Variants in KCNK13 observed in about 807,000 individuals in gnomAD.
KCNK13 encodes potassium channel subfamily K member 13.
Under a neutral mutation model 23.4 loss-of-function variants are expected in KCNK13, and 12 were observed. The observed-to-expected ratio is 0.51, with a 90% CI of 0.33 to 0.83. KCNK13 has a LOEUF of 0.83. Ranked by LOEUF, KCNK13 falls within the 40% of genes least tolerant of loss-of-function variation. The probability of loss-of-function intolerance (pLI) is 0.02; values close to 1 mark genes in which losing one functional copy is unlikely to be tolerated. For missense variants in KCNK13, 463 were observed against 556.3 expected (o/e 0.83, Z 1.69); for synonymous variants, 231 against 229.5 (o/e 1.01, Z -0.06).
intron 1 of KCNK13, among the ~76,000 whole-genome samples, chr14:90,149,279 C>T (rs1269779368): frequency 6.6e-6 from 1 of 152,132 alleles, no homozygotes. Context: ...TCCCTTGAAC[C>T]TGGGAGGCAG....
At chr14:90,108,320 C>G (rs1410357693) in intron 1 of KCNK13, among the ~76,000 whole-genome samples, 3 of 152,162 alleles carry the variant, frequency 2.0e-5, no homozygotes, top group Non-Finnish European at 4.4e-5. Context: ...GCCTCTGCCT[C>G]TAAGCCAGTG....
In KCNK13 at chr14:90,132,657, G is replaced by A. The variant is rs115159559; in HGVS notation, c.335-51454G>A. ...ATAGTTTTCATTTTGCAAGATGGAGGAAATGAGGTCTGCAGATGGTGGTGG... is the reference window on the plus strand; with the variant it reads ...ATAGTTTTCATTTTGCAAGATGGAGAAAATGAGGTCTGCAGATGGTGGTGG... On this transcript the variant is annotated intron_variant, in intron 1 of 1. Coordinates refer to ENST00000282146, the MANE Select transcript of KCNK13 (RefSeq NM_022054.4). Among the ~76,000 whole-genome samples, 1,252 of 152,202 alleles carry A rather than the reference G, an allele frequency of 8.2e-3. 18 individuals are homozygous for A. Among genetic ancestry groups the A allele is most frequent in the African/African-American group, 0.029 (1,203 of 41,532 alleles).
chr14:90,133,635 T>C (rs956341327), intron 1 of KCNK13, among the ~76,000 whole-genome samples: 17 of 147,674 alleles, frequency 1.2e-4, no homozygotes, highest in African/African-American at 4.3e-4. Flanking sequence ...AATTGCCCAA[T>C]GTTACAGAGC....
Position 90,093,837 on chromosome 14 carries a change from C to T in KCNK13, c.334+31298C>T, listed in dbSNP as rs539425306. On this transcript the variant is annotated intron_variant, in intron 1 of 1. Transcript: ENST00000282146. ...CATTCCTGGAACTCTGGAATACAGT[C>T]TGAAGTCTTGATATTTGGATTGCCT... Among the ~76,000 whole-genome samples, 13 of 152,308 alleles carry T rather than the reference C, an allele frequency of 8.5e-5. No individual in the cohort carries two copies. In the South Asian group the frequency reaches 1.9e-3, roughly 22 times the overall value.
intron 1 of KCNK13, among the ~76,000 whole-genome samples, chr14:90,130,682 C>T (rs190333521): frequency 4.6e-5 from 7 of 151,972 alleles, no homozygotes; most frequent in Admixed American, 2.6e-4. Context: ...GGTGTGGTGG[C>T]GGGCATCTGT....
chr14:90,150,306 A>G (rs1890121081), intron 1 of KCNK13, among the ~76,000 whole-genome samples: 1 of 152,066 alleles, frequency 6.6e-6, no homozygotes, highest in African/African-American at 2.4e-5. Flanking sequence ...CTTAACTACT[A>G]TGCTCTCCTG....
intron 1 of KCNK13, among the ~76,000 whole-genome samples, chr14:90,090,689 C>G (rs1302896133): frequency 1.3e-5 from 2 of 152,186 alleles, no homozygotes; most frequent in African/African-American, 4.8e-5. Context: ...TCTCACAATT[C>G]CCACGTGTCA....
chr14:90,184,927 A>G lies in KCNK13; in HGVS notation c.1151A>G (p.Asp384Gly). The change falls in exon 2 of 2, where the codon GAC becomes GGC. Residue 384 changes from aspartate to glycine, a missense_variant. Transcript: ENST00000282146. The surrounding 1 kb of genome is among the most constrained non-coding windows in gnomAD (Gnocchi z 5.6). ...CPHQTSTLAR[D>G]NEFSGGVGAF... Reference sequence around the variant, plus strand: ...CACCAGACCAGCACACTGGCCCGGGACAATGAATTCTCAGGGGGGGTGGGA... The same window carrying G: ...CACCAGACCAGCACACTGGCCCGGGGCAATGAATTCTCAGGGGGGGTGGGA... 6.2e-7 allele frequency: 1 copy of G among 1,613,260 alleles called. No individual in the cohort carries two copies. Among genetic ancestry groups the G allele is most frequent in the Non-Finnish European group, 8.5e-7 (1 of 1,179,486 alleles).
chr14:90,177,558 A>G (rs757096584), intron 1 of KCNK13, among the ~76,000 whole-genome samples: 1 of 152,182 alleles, frequency 6.6e-6, no homozygotes, highest in Non-Finnish European at 1.5e-5. Flanking sequence ...CGGAGTATGC[A>G]TGTAACTTGG....
chr14:90,117,280 C>A (rs543754961), intron 1 of KCNK13, among the ~76,000 whole-genome samples: 1 of 152,004 alleles, frequency 6.6e-6, no homozygotes, highest in Non-Finnish European at 1.5e-5. Flanking sequence ...CTCCTTAGAA[C>A]GGCACTCAAT....
intron 1 of KCNK13, among the ~76,000 whole-genome samples, chr14:90,066,512 C>T (rs921456332): frequency 1.3e-5 from 2 of 152,110 alleles, no homozygotes; most frequent in Non-Finnish European, 2.9e-5. Context: ...AGTGATCCGC[C>T]CACCTCAGCC....
At position 90,109,778 on chromosome 14, in the gene KCNK13, G is replaced by T. The variant is rs192721782; in HGVS notation, c.334+47239G>T. ...GGCTGGAGTGCAATGGTGCAATCAC[G>T]GCTCACTGTAGCCTCAGCCTCCCGG... On this transcript the variant is annotated intron_variant, in intron 1 of 1. Transcript: ENST00000282146. Among the ~76,000 whole-genome samples the T allele has an allele frequency of 1.2e-3, 178 of 151,206 alleles. 2 individuals are homozygous for T. The highest frequency in any genetic ancestry group is 4.0e-4 in the Non-Finnish European group (27 of 67,882).
intron 1 of KCNK13, among the ~76,000 whole-genome samples, chr14:90,154,884 A>G (rs147300081): frequency 9.8e-4 from 149 of 152,356 alleles, no homozygotes; most frequent in Non-Finnish European, 1.9e-3. Flanking sequence ...GGAAGAGGTG[A>G]AGTTAATCTG....
intron 1 of KCNK13, among the ~76,000 whole-genome samples, chr14:90,140,999 C>T (rs1318532322): frequency 2.6e-5 from 4 of 152,166 alleles, no homozygotes; most frequent in African/African-American, 4.8e-5. Context: ...CTACCCATAG[C>T]GAATGAGAAG....
intron 1 of KCNK13, among the ~76,000 whole-genome samples, chr14:90,182,845 G>C (rs1219231258): frequency 6.6e-6 from 1 of 151,448 alleles, no homozygotes; most frequent in Admixed American, 6.6e-5. Context: ...AAAAAAGAGA[G>C]AGGTTTGATG....
At chr14:90,128,805 A>T (rs1189835016) in intron 1 of KCNK13, among the ~76,000 whole-genome samples, 1 of 152,250 alleles carries the variant, frequency 6.6e-6, no homozygotes, top group Middle Eastern at 3.4e-3. Context: ...CCCCTTTTTT[A>T]AAAATCTGAT....
intron 1 of KCNK13, among the ~76,000 whole-genome samples, chr14:90,127,170 G>A (rs1889810839): frequency 6.6e-6 from 1 of 152,118 alleles, no homozygotes; most frequent in African/African-American, 2.4e-5. Flanking sequence ...TGCAGGGTAT[G>A]ATATGGGAAC....
At chr14:90,140,097 C>T (rs1486335957) in intron 1 of KCNK13, among the ~76,000 whole-genome samples, 1 of 152,138 alleles carries the variant, frequency 6.6e-6, no homozygotes, top group Non-Finnish European at 1.5e-5. Flanking sequence ...CCCACCATTT[C>T]AGGGGAACCA....
At chr14:90,134,934 A>G (rs1157754325) in intron 1 of KCNK13, among the ~76,000 whole-genome samples, 1 of 152,254 alleles carries the variant, frequency 6.6e-6, no homozygotes, top group Non-Finnish European at 1.5e-5. Context: ...CCTCCCCTGA[A>G]TTGGGAATTG....
Sources: allele counts gnomAD v4.1 joint callset (sites outside exome capture counted in the v4.1 genomes callset), GRCh38; gene constraint gnomAD v4.1.1; non-coding constraint Gnocchi (gnomAD v3.1); transcripts MANE v1.5; gene names NCBI Gene and HGNC (gene_info 2026-07-23, HGNC 2026-07-21).